Variants in GABRG3 observed in about 807,000 individuals in gnomAD.
GABRG3 encodes the protein gamma-aminobutyric acid receptor subunit gamma-3.
In GABRG3, 25 loss-of-function variants were observed where a neutral mutation model predicts 48.8. The observed-to-expected ratio is 0.51, with a 90% CI of 0.37 to 0.72. GABRG3 has a LOEUF of 0.72. Among genes scored for constraint, GABRG3 ranks in the 30% least tolerant of loss-of-function variants. The probability of loss-of-function intolerance (pLI) is 0.00; values close to 1 mark genes in which losing one functional copy is unlikely to be tolerated. For synonymous variants in GABRG3, 227 were observed against 217.6 expected (o/e 1.04, Z -0.38); for missense variants, 394 against 577.9 (o/e 0.68, Z 3.26).
chr15:27,500,007 G>C, intron 6 of GABRG3, among the ~76,000 whole-genome samples: 1 of 152,268 alleles, frequency 6.6e-6, no homozygotes, highest in Middle Eastern at 3.4e-3. Flanking sequence ...GCAAAAAGAG[G>C]GTCAGTGTCT....
intron 3 of GABRG3, among the ~76,000 whole-genome samples, chr15:27,175,671 A>C (rs974501453): frequency 1.3e-5 from 2 of 152,230 alleles, no homozygotes; most frequent in Non-Finnish European, 2.9e-5. Context: ...GCAAATGGTA[A>C]ATGGTAGGAA....
intron 3 of GABRG3, among the ~76,000 whole-genome samples, chr15:27,317,091 C>T (rs904878571): frequency 1.3e-5 from 2 of 151,816 alleles, no homozygotes; most frequent in African/African-American, 4.8e-5. Context: ...CCTTTGGACC[C>T]CCTCACCATC....
chr15:27,312,923 TA>T (rs894839922), intron 3 of GABRG3, among the ~76,000 whole-genome samples: 146 of 150,778 alleles, frequency 9.7e-4, no homozygotes, highest in Non-Finnish European at 1.5e-3. Flanking sequence ...GTCTAAAAGT[TA>T]AAAAAAAGTA....
chr15:27,458,009 G>A (rs1429472519), intron 5 of GABRG3, among the ~76,000 whole-genome samples: 1 of 152,116 alleles, frequency 6.6e-6, no homozygotes, highest in African/African-American at 2.4e-5. Context: ...CTCCTTGGAC[G>A]GTGCAGGAAC....
chr15:27,101,150 T>G (rs1897349318), intron 3 of GABRG3, among the ~76,000 whole-genome samples: 1 of 152,232 alleles, frequency 6.6e-6, no homozygotes, highest in South Asian at 2.1e-4. Flanking sequence ...CAGTTACATT[T>G]GTATATAATA....
At chr15:27,510,366 T>C (rs895548565) in intron 6 of GABRG3, among the ~76,000 whole-genome samples, 12 of 152,200 alleles carry the variant, frequency 7.9e-5, no homozygotes, top group African/African-American at 2.9e-4. Context: ...CCAGGGGTAG[T>C]GCTTGCTTGC....
At chr15:27,428,550 CT>C (rs978467024) in intron 5 of GABRG3, among the ~76,000 whole-genome samples, 4 of 152,198 alleles carry the variant, frequency 2.6e-5, no homozygotes, top group Admixed American at 2.0e-4. Flanking sequence ...TTTATTGACA[CT>C]TTTTTTATTA....
chr15:27,504,208 T>C (rs1260155682), intron 6 of GABRG3, among the ~76,000 whole-genome samples: 1 of 152,108 alleles, frequency 6.6e-6, no homozygotes, highest in East Asian at 1.9e-4. Flanking sequence ...GTGATCCTCC[T>C]TTTTTGTTCT....
intron 3 of GABRG3, among the ~76,000 whole-genome samples, chr15:27,175,005 A>C (rs977897119): frequency 2.6e-5 from 4 of 152,142 alleles, no homozygotes; most frequent in African/African-American, 9.7e-5. Context: ...GGAAATACAT[A>C]TTGTTTAAAA....
chr15:27,386,692 G>A (rs1039602415), intron 5 of GABRG3, among the ~76,000 whole-genome samples: 5 of 152,150 alleles, frequency 3.3e-5, no homozygotes, highest in African/African-American at 9.7e-5. Flanking sequence ...AATTGGATGT[G>A]AGCAACCCCT....
chr15:27,121,361 C>T (rs761687244), intron 3 of GABRG3, among the ~76,000 whole-genome samples: 2 of 152,242 alleles, frequency 1.3e-5, no homozygotes, highest in African/African-American at 2.4e-5. Flanking sequence ...TCGTACCTAA[C>T]AGCTTCAGAG....
rs574247892 is a variant in GABRG3 at position 27,538,710 on chromosome 15, C to T, written c.*5829C>T. 37 of 152,292 alleles carry T rather than the reference C, an allele frequency of 2.4e-4. No individual in the cohort carries two copies. Among genetic ancestry groups the T allele is most frequent in the African/African-American group, 8.4e-4 (35 of 41,568 alleles). 9.4% of individuals were successfully genotyped at this position (152,292 alleles called of 1,614,324 possible). ...CCCCAGACTGAGCAGGTAGCTGCTA[C>T]ATTTTCTCTTCTCTTTTCTAGTTAT... is the stretch of plus-strand genomic sequence containing the variant. On this transcript the variant is annotated 3_prime_UTR_variant, in exon 10 of 10. Coordinates refer to ENST00000615808, the MANE Select transcript of GABRG3 (RefSeq NM_033223.5).
chr15:27,225,538 T>A (rs1889585258), intron 3 of GABRG3, among the ~76,000 whole-genome samples: 1 of 152,096 alleles, frequency 6.6e-6, no homozygotes, highest in Non-Finnish European at 1.5e-5. Context: ...TGAAGAAGAA[T>A]CTAAGGGAGA....
At position 27,527,492 on chromosome 15, in the gene GABRG3, C is replaced by T; in HGVS notation, c.925C>T (p.Arg309Cys). Residue 309 changes from arginine to cysteine, a missense_variant, in exon 8 of 10, where the codon CGC (arginine) becomes TGC (cysteine). Arg to Cys is a radical substitution (Grantham distance 180). This residue lies in a region of GABRG3 where 50 missense variants were observed against 112.5 expected (regional missense o/e 0.44). Transcript: ENST00000615808. The stretch of plus-strand genomic sequence containing the variant: ...CACCATCGCCAGGAAGTCCTTGCCA[C>T]GCGTGTCCTACGTGACCGCCATGGA... Reference protein sequence around the residue: ...LSTIARKSLPRVSYVTAMDLF... With the variant: ...LSTIARKSLPCVSYVTAMDLF... 1 of 1,614,000 alleles carries T rather than the reference C, an allele frequency of 6.2e-7. No individual in the cohort carries two copies. The highest frequency in any genetic ancestry group is 8.5e-7 in the Non-Finnish European group (1 of 1,179,898).
chr15:27,087,900 ATG>A lies in GABRG3; in HGVS notation c.270+61084_270+61085del, dbSNP rs565783104. Among the ~76,000 whole-genome samples, 578 of 137,164 alleles carry A rather than the reference ATG, an allele frequency of 4.2e-3. 3 individuals carry two copies. Among genetic ancestry groups the A allele is most frequent in the African/African-American group, 0.015 (545 of 35,828 alleles). The allele number at this position is 137,164 out of a possible 152,430, so 90.0% of individuals were successfully genotyped here. A position where few individuals can be genotyped will look rare whatever the true frequency, so the allele number is the denominator to read the frequency against. ...GGTGTGCTATGGGGTGTGTGTGTGC[ATG>A]TGTGAGTGTGGTGTGCTGTGGTGTG... On this transcript the variant is annotated intron_variant, in intron 3 of 9. Transcript: ENST00000615808.
At chr15:26,996,006 T>C (rs972402194) in intron 2 of GABRG3, among the ~76,000 whole-genome samples, 1 of 152,128 alleles carries the variant, frequency 6.6e-6, no homozygotes, top group Non-Finnish European at 1.5e-5. Context: ...TATTATTAAA[T>C]ATGTTGCTTG....
intron 5 of GABRG3, among the ~76,000 whole-genome samples, chr15:27,380,721 A>T (rs1242233024): frequency 6.8e-6 from 1 of 147,892 alleles, no homozygotes; most frequent in African/African-American, 2.5e-5. Flanking sequence ...GTTTTACAGG[A>T]TGTGGTGCTC....
Position 27,352,354 on chromosome 15 carries a change from A to G in GABRG3, c.574+23466A>G, listed in dbSNP as rs1894650551. ...TATCCCCCGCACACTTCAAGGGGTG[A>G]TGGGGTGGGATCTCTGCCAATTTCT... On this transcript the variant is annotated intron_variant, in intron 5 of 9. Coordinates refer to ENST00000615808, the MANE Select transcript of GABRG3 (RefSeq NM_033223.5). This position sits in a 1 kb window ranked among gnomAD's most constrained non-coding sequence, Gnocchi z 4.0. 6.6e-6 allele frequency among the ~76,000 whole-genome samples: 1 copy of G among 152,000 alleles called. No homozygotes were observed. Among genetic ancestry groups the G allele is most frequent in the Non-Finnish European group, 1.5e-5 (1 of 67,996 alleles).
intron 3 of GABRG3, among the ~76,000 whole-genome samples, chr15:27,241,380 T>G (rs1766665623): frequency 6.6e-6 from 1 of 152,178 alleles, no homozygotes; most frequent in Admixed American, 6.5e-5. Flanking sequence ...TGGGCAACAG[T>G]TTCTAGAACT....
Sources: allele counts gnomAD v4.1 joint callset (sites outside exome capture counted in the v4.1 genomes callset), GRCh38; gene constraint gnomAD v4.1.1; regional missense constraint gnomAD v4.1.1; non-coding constraint Gnocchi (gnomAD v3.1); transcripts MANE v1.5; gene names NCBI Gene and HGNC (gene_info 2026-07-23, HGNC 2026-07-21).